Variants in CEP43 observed in about 807,000 individuals in gnomAD.
The protein encoded by CEP43 is centrosomal protein 43.
A neutral mutation model predicts 52.6 loss-of-function variants in CEP43; 36 were observed. The ratio of observed to expected loss-of-function variants is 0.68; its 90% CI spans 0.52 to 0.90. CEP43 has a LOEUF of 0.90. Ranked by LOEUF, CEP43 falls within the 40% of genes least tolerant of loss-of-function variation. The pLI, the probability that CEP43 is intolerant of heterozygous loss-of-function variation, is 0.00. For missense variants in CEP43, 506 were observed against 472.8 expected, an observed-to-expected ratio of 1.07 and a Z score of -0.65; for synonymous variants, 192 against 172.4, an observed-to-expected ratio of 1.11 and a Z score of -0.89.
chr6:167,003,117 G>T (rs1779774384), intron 2 of CEP43, 76 bp from the exon 3 acceptor site: 5 of 665,664 alleles, frequency 7.5e-6, no homozygotes, highest in Admixed American at 3.3e-5. Context: ...TTTTATCAAT[G>T]AAAACGTTAA....
intron 7 of CEP43, among the ~76,000 whole-genome samples, chr6:167,021,932 G>A (rs949671796): frequency 1.3e-5 from 2 of 152,036 alleles, no homozygotes; most frequent in African/African-American, 2.4e-5. Flanking sequence ...TTTAATGCTT[G>A]GTTCATTCAT....
rs1780584418 is a variant in CEP43, at chr6:167,036,315, A to G, written c.1125+2344A>G. The G allele has an allele frequency of 6.1e-6, 6 of 985,316 alleles. No individual in the cohort carries two copies. In the South Asian group the frequency reaches 2.3e-4, roughly 39 times the overall value. The allele number at this position is 985,316 out of a possible 1,614,324, so 61.0% of individuals were successfully genotyped here. A position where few individuals can be genotyped will look rare whatever the true frequency, so the allele number is the denominator to read the frequency against. Reference sequence around the variant, plus strand: ...GACATGTCAGTGCTGCCCTGATTCCAGAGCTTCACTGGAGGGTGCTGTGTG... The same window carrying G: ...GACATGTCAGTGCTGCCCTGATTCCGGAGCTTCACTGGAGGGTGCTGTGTG... On this transcript the variant is annotated intron_variant, in intron 12 of 12. Coordinates refer to ENST00000366847, the MANE Select transcript of CEP43 (RefSeq NM_007045.4).
At chr6:167,007,719 A>C (rs1393570152) in intron 5 of CEP43, among the ~76,000 whole-genome samples, 6 of 152,180 alleles carry the variant, frequency 3.9e-5, no homozygotes, top group African/African-American at 1.4e-4. Context: ...TAAATTACTG[A>C]TGCTTTTTAC....
chr6:167,040,471 ATATTAG>A lies in CEP43; in HGVS notation c.*497_*502del. 6 of 1,175,262 alleles carry A rather than the reference ATATTAG, an allele frequency of 5.1e-6. No individual in the cohort carries two copies. Among genetic ancestry groups the A allele is most frequent in the South Asian group, 2.6e-5 (1 of 38,542 alleles). 72.8% of individuals were successfully genotyped at this position (1,175,262 alleles called of 1,614,324 possible). On this transcript the variant is annotated 3_prime_UTR_variant, in exon 13 of 13. Coordinates refer to ENST00000366847, the MANE Select transcript of CEP43 (RefSeq NM_007045.4). Reference sequence around the variant, plus strand: ...CTTGGTAAATTTGTAATGCTGAAGTATATTAGTATAAGTTAAATTTGATGTGTCAAC... The same window carrying A: ...CTTGGTAAATTTGTAATGCTGAAGTATATAAGTTAAATTTGATGTGTCAAC...
In CEP43 at chr6:167,011,873, G is replaced by A. The variant is rs564837698; in HGVS notation, c.519+980G>A. Among the ~76,000 whole-genome samples the A allele has an allele frequency of 2.6e-5, 4 of 152,270 alleles. 1 individual carries two copies. In the East Asian group the frequency reaches 5.8e-4, roughly 22 times the overall value. On this transcript the variant is annotated intron_variant, in intron 6 of 12. Transcript: ENST00000366847. ...TTCACCCGCATGATCTGCTCACCCC[G>A]CAAAGGCTCCACCTTCTGATACCAT... is the stretch of plus-strand genomic sequence containing the variant.
In CEP43 at chr6:167,042,458, G is replaced by C; in HGVS notation, c.*2480G>C. On this transcript the variant is annotated 3_prime_UTR_variant, in exon 13 of 13. Transcript: ENST00000366847. ...TATACTTTATGTTGGATAACAACCT[G>C]TGGGCAGTTGTGTAGATGCCATTAG... is the stretch of plus-strand genomic sequence containing the variant. 1.3e-6 allele frequency: 1 copy of C among 796,912 alleles called. No individual in the cohort carries two copies. The highest frequency in any genetic ancestry group is 1.5e-6 in the Non-Finnish European group (1 of 656,962). The allele number at this position is 796,912 out of a possible 1,614,324, so 49.4% of individuals were successfully genotyped here.
intron 12 of CEP43, chr6:167,036,026 T>C: frequency 3.1e-6 from 3 of 980,542 alleles, no homozygotes; most frequent in Non-Finnish European, 3.6e-6. Flanking sequence ...GTAGTCACAA[T>C]AGACATTTCT....
intron 7 of CEP43, among the ~76,000 whole-genome samples, chr6:167,018,841 A>G (rs1780160139): frequency 6.6e-6 from 1 of 152,230 alleles, no homozygotes. Context: ...GTCTTAACTC[A>G]TGATAAGGGT....
intron 8 of CEP43, 133 bp downstream of exon 8, chr6:167,022,768 T>C (rs1191266091): frequency 9.1e-6 from 6 of 659,244 alleles, no homozygotes; most frequent in Non-Finnish European, 1.5e-5. Flanking sequence ...TATGCGTTGT[T>C]AATGCCTTTC....
intron 7 of CEP43, among the ~76,000 whole-genome samples, chr6:167,016,271 C>CT (rs961106939): frequency 6.6e-6 from 1 of 151,996 alleles, no homozygotes; most frequent in African/African-American, 2.4e-5. Flanking sequence ...GTGTCTGTTT[C>CT]TTTTTAGAGA....
chr6:167,032,691 A>G, intron 11 of CEP43, 49 bp downstream of exon 11: 2 of 1,460,992 alleles, frequency 1.4e-6, no homozygotes, highest in African/African-American at 1.4e-5. Flanking sequence ...TTATTTGTAA[A>G]CAATTTCCGA....
rs1780832799 is a variant in CEP43 at position 167,048,584 on chromosome 6, C to CA, written c.*8610dup. 6.6e-6 allele frequency: 1 copy of CA among 152,114 alleles called. No homozygotes were observed. The highest frequency in any genetic ancestry group is 2.4e-5 in the African/African-American group (1 of 41,404). The allele number at this position is 152,114 out of a possible 1,614,324, so 9.4% of individuals were successfully genotyped here. On this transcript the variant is annotated 3_prime_UTR_variant, in exon 13 of 13. Coordinates refer to ENST00000366847, the MANE Select transcript of CEP43 (RefSeq NM_007045.4). ...TAACAAACTATCTTTCAAATTATAT[C>CA]AAAACAGTGATTCATAAATTCCATG... is the stretch of plus-strand genomic sequence containing the variant.
chr6:167,025,112 A>G (rs1382944457), intron 9 of CEP43: 13 of 352,744 alleles, frequency 3.7e-5, no homozygotes, highest in Non-Finnish European at 6.6e-5. Flanking sequence ...TCCTATACCT[A>G]TATACCATCG....
intron 10 of CEP43, among the ~76,000 whole-genome samples, chr6:167,031,151 G>A (rs1364613104): frequency 1.3e-5 from 2 of 152,012 alleles, no homozygotes; most frequent in African/African-American, 2.4e-5. Flanking sequence ...CAAACTCCTG[G>A]GTGCAAGTGA....
chr6:167,028,657 A>T (rs886835755), intron 10 of CEP43: 2 of 236,112 alleles, frequency 8.5e-6, no homozygotes, highest in Admixed American at 6.5e-5. Context: ...TATTTTATTT[A>T]ATTCATATCC....
intron 8 of CEP43, among the ~76,000 whole-genome samples, chr6:167,022,877 A>T (rs1404340919): frequency 1.3e-5 from 2 of 152,032 alleles, no homozygotes; most frequent in African/African-American, 4.8e-5. Flanking sequence ...GGGCTGTTCC[A>T]GGGTGGGGTG....
At chr6:167,021,659 G>A (rs1403792055) in intron 7 of CEP43, among the ~76,000 whole-genome samples, 1 of 152,078 alleles carries the variant, frequency 6.6e-6, no homozygotes, top group African/African-American at 2.4e-5. Flanking sequence ...CCAAGGGCAT[G>A]GATAAGGATG....
At position 167,027,433 on chromosome 6, in the gene CEP43, CTG is replaced by C. The variant is rs532287043; in HGVS notation, c.988+821_988+822del. ...TCTCAATGGCCACTTCCTATGCTCT[CTG>C]TGGATGTGATGGGATCCCTTCCTGG... On this transcript the variant is annotated intron_variant, in intron 10 of 12. Transcript: ENST00000366847. 7.6e-4 allele frequency among the ~76,000 whole-genome samples: 116 copies of C among 151,878 alleles called. 2 individuals carry two copies. In the East Asian group the frequency reaches 0.021, roughly 27 times the overall value.
chr6:166,999,962 G>A lies in CEP43; in HGVS notation c.103-98G>A. 6.8e-6 allele frequency: 7 copies of A among 1,036,296 alleles called. No homozygotes were observed. The South Asian group carries it at 8.0e-5, about 12-fold the overall frequency. The allele number at this position is 1,036,296 out of a possible 1,614,324, so 64.2% of individuals were successfully genotyped here. Reference sequence around the variant, plus strand: ...TCTGACCTTTGCACCTGCCCTCCCAGCTCGTTGGCTTGCTCGTGTTTGTTG... The same window carrying A: ...TCTGACCTTTGCACCTGCCCTCCCAACTCGTTGGCTTGCTCGTGTTTGTTG... On this transcript the variant is annotated intron_variant, in intron 1 of 12. Coordinates refer to ENST00000366847, the MANE Select transcript of CEP43 (RefSeq NM_007045.4).
Sources: allele counts gnomAD v4.1 joint callset (sites outside exome capture counted in the v4.1 genomes callset), GRCh38; gene constraint gnomAD v4.1.1; transcripts MANE v1.5; gene names NCBI Gene and HGNC (gene_info 2026-07-23, HGNC 2026-07-21).